Variants in GRIA4 observed in about 807,000 individuals in gnomAD.
GRIA4 encodes glutamate ionotropic receptor AMPA type subunit 4.
GRIA4 carries 34 observed loss-of-function variants against 104.0 expected under a neutral mutation model. That is an observed-to-expected ratio of 0.33 (90% CI 0.25 to 0.44). GRIA4 has a LOEUF of 0.44. Among genes scored for constraint, GRIA4 ranks in the 20% least tolerant of loss-of-function variants. The pLI, the probability that GRIA4 is intolerant of heterozygous loss-of-function variation, is 1.00. For synonymous variants in GRIA4, 386 were observed against 381.9 expected, an observed-to-expected ratio of 1.01 and a Z score of -0.13; for missense variants, 750 against 1,096.5, an observed-to-expected ratio of 0.68 and a Z score of 4.46.
chr11:105,845,751 G>A (rs1323895495), intron 4 of GRIA4, among the ~76,000 whole-genome samples: 1 of 152,082 alleles, frequency 6.6e-6, no homozygotes, highest in Non-Finnish European at 1.5e-5. Context: ...AGGTGTGGTG[G>A]TGGGTGCCTG....
chr11:105,878,331 C>G lies in GRIA4; in HGVS notation c.673-9188C>G, dbSNP rs114441406. 6.4e-3 allele frequency among the ~76,000 whole-genome samples: 972 copies of G among 152,224 alleles called. 19 individuals are homozygous for G. Among genetic ancestry groups the G allele is most frequent in the African/African-American group, 0.022 (904 of 41,552 alleles). ...CCCGCCAGATGCCAACTGGAGCTCT[C>G]CTGTATGAGGTGTCTATTGGCCCCT... is the stretch of plus-strand genomic sequence containing the variant. On this transcript the variant is annotated intron_variant, in intron 5 of 16. Transcript: ENST00000282499.
At chr11:105,896,032 T>A (rs1350808461) in intron 6 of GRIA4, among the ~76,000 whole-genome samples, 1 of 152,200 alleles carries the variant, frequency 6.6e-6, no homozygotes, top group Non-Finnish European at 1.5e-5. Flanking sequence ...CTAATTCACA[T>A]TCTCACCAAC....
rs146913541 is a variant in GRIA4, at chr11:105,626,718, C to G, written c.247+14284C>G. Among the ~76,000 whole-genome samples the G allele has an allele frequency of 1.4e-3, 212 of 152,288 alleles. 1 individual carries two copies. Among genetic ancestry groups the G allele is most frequent in the Admixed American group, 5.8e-3 (89 of 15,280 alleles). ...TCTGTTGATCATGAGAGTTCTCCAT[C>G]TGACTTGTGCCAACAGTTCTAGATT... On this transcript the variant is annotated intron_variant, in intron 3 of 16. Coordinates refer to ENST00000282499, the MANE Select transcript of GRIA4 (RefSeq NM_000829.4).
chr11:105,945,522 C>T (rs1948285516), intron 14 of GRIA4: 2 of 882,582 alleles, frequency 2.3e-6, no homozygotes, highest in African/African-American at 1.8e-5. Context: ...AGTTTTCTTT[C>T]AAAAGAATGG....
At chr11:105,711,331 C>T (rs533246273) in intron 3 of GRIA4, among the ~76,000 whole-genome samples, 173 of 151,816 alleles carry the variant, frequency 1.1e-3, no homozygotes, top group African/African-American at 3.5e-3. Context: ...TGCTAAATGA[C>T]GAGTTAATGG....
At chr11:105,665,776 A>G (rs1228003266) in intron 3 of GRIA4, among the ~76,000 whole-genome samples, 2 of 152,096 alleles carry the variant, frequency 1.3e-5, no homozygotes, top group Non-Finnish European at 2.9e-5. Context: ...AGATAAAATT[A>G]GGGAGATATT....
intron 11 of GRIA4, among the ~76,000 whole-genome samples, chr11:105,919,452 G>A (rs1039425410): frequency 2.0e-5 from 3 of 152,040 alleles, no homozygotes; most frequent in Admixed American, 6.6e-5. Context: ...GCTGAACACA[G>A]TAAATTTAAA....
At chr11:105,777,225 C>T (rs551306027) in intron 4 of GRIA4, among the ~76,000 whole-genome samples, 1 of 152,170 alleles carries the variant, frequency 6.6e-6, no homozygotes, top group East Asian at 1.9e-4. Context: ...AGGTATTGCT[C>T]TTAAAATCAG....
intron 4 of GRIA4, among the ~76,000 whole-genome samples, chr11:105,849,663 G>A (rs753184752): frequency 6.6e-6 from 1 of 152,182 alleles, no homozygotes; most frequent in Non-Finnish European, 1.5e-5. Context: ...AGAGTGCTAA[G>A]CTCTATAAGC....
At chr11:105,963,166 T>A (rs1948783378) in intron 14 of GRIA4, among the ~76,000 whole-genome samples, 1 of 152,142 alleles carries the variant, frequency 6.6e-6, no homozygotes. Context: ...TTTCACTTTC[T>A]TCTTAGCTTG....
At chr11:105,959,415 C>T (rs958405123) in intron 14 of GRIA4, among the ~76,000 whole-genome samples, 3 of 152,172 alleles carry the variant, frequency 2.0e-5, no homozygotes, top group African/African-American at 7.2e-5. Flanking sequence ...CTTGCATATG[C>T]TTCACAAAGT....
At chr11:105,929,006 T>C (rs1032673388) in intron 13 of GRIA4, among the ~76,000 whole-genome samples, 1 of 152,100 alleles carries the variant, frequency 6.6e-6, no homozygotes, top group African/African-American at 2.4e-5. Context: ...GGAAGATTTT[T>C]ATAATATAGG....
chr11:105,780,630 T>C (rs1458994744), intron 4 of GRIA4, among the ~76,000 whole-genome samples: 1 of 152,190 alleles, frequency 6.6e-6, no homozygotes, highest in Non-Finnish European at 1.5e-5. Flanking sequence ...AAAATTATTA[T>C]TGCTGAAAGA....
intron 3 of GRIA4, among the ~76,000 whole-genome samples, chr11:105,735,162 A>C (rs978203209): frequency 6.6e-6 from 1 of 152,168 alleles, no homozygotes; most frequent in Non-Finnish European, 1.5e-5. Context: ...TCAAAAAATT[A>C]GCTTTCAGAT....
chr11:105,906,601 C>T (rs1846057826), intron 9 of GRIA4, among the ~76,000 whole-genome samples: 3 of 152,308 alleles, frequency 2.0e-5, no homozygotes, highest in South Asian at 4.1e-4. Flanking sequence ...GCCGTGAAAA[C>T]CATCTCTAGA....
intron 3 of GRIA4, among the ~76,000 whole-genome samples, chr11:105,694,231 C>A (rs1953191028): frequency 6.6e-6 from 1 of 151,750 alleles, no homozygotes; most frequent in Non-Finnish European, 1.5e-5. Flanking sequence ...CTCACTGCAA[C>A]CTCTGCCTCC....
intron 5 of GRIA4, among the ~76,000 whole-genome samples, chr11:105,878,635 G>A (rs989352640): frequency 6.6e-6 from 1 of 152,236 alleles, no homozygotes; most frequent in African/African-American, 2.4e-5. Flanking sequence ...AATCTAGAGA[G>A]GGAGTCTGGC....
chr11:105,787,989 C>A (rs1264924299), intron 4 of GRIA4, among the ~76,000 whole-genome samples: 1 of 151,948 alleles, frequency 6.6e-6, no homozygotes, highest in Non-Finnish European at 1.5e-5. Flanking sequence ...GAGCTTCTCC[C>A]CTCAGATGAA....
chr11:105,701,636 A>C (rs1047274165), intron 3 of GRIA4, among the ~76,000 whole-genome samples: 2 of 152,148 alleles, frequency 1.3e-5, no homozygotes, highest in Non-Finnish European at 2.9e-5. Context: ...GGCAAACACA[A>C]TTCTAACCTC....
Sources: allele counts gnomAD v4.1 joint callset (sites outside exome capture counted in the v4.1 genomes callset), GRCh38; gene constraint gnomAD v4.1.1; transcripts MANE v1.5; gene names NCBI Gene and HGNC (gene_info 2026-07-23, HGNC 2026-07-21).